Variants in ANKEF1 observed in about 807,000 individuals in gnomAD.
The protein encoded by ANKEF1 is ankyrin repeat and EF-hand domain-containing protein 1.
Under a neutral mutation model 65.1 loss-of-function variants are expected in ANKEF1, and 43 were observed. The ratio of observed to expected loss-of-function variants is 0.66; its 90% CI spans 0.52 to 0.85. ANKEF1 has a LOEUF of 0.85. ANKEF1 is among the 40% of genes least tolerant of loss of function. The pLI is 0.00. For missense variants in ANKEF1, 934 were observed against 952.9 expected (o/e 0.98, Z 0.26); for synonymous variants, 316 against 341.5 (o/e 0.93, Z 0.82).
At chr20:10,046,843 G>A (rs1389613387) in intron 6 of ANKEF1, among the ~76,000 whole-genome samples, 6 of 152,006 alleles carry the variant, frequency 3.9e-5, no homozygotes, top group South Asian at 4.2e-4. Flanking sequence ...TAACATGCCC[G>A]CATAACTATA....
In ANKEF1 at chr20:10,056,284, ATAGCCCTAGCCCTAGATAG is replaced by A. The variant is rs1985144336; in HGVS notation, c.*625_*643del. The A allele has an allele frequency of 3.6e-5, 2 of 54,982 alleles. No homozygotes were observed. Among genetic ancestry groups the A allele is most frequent in the Non-Finnish European group, 9.7e-5 (2 of 20,518 alleles). 3.4% of individuals were successfully genotyped at this position (54,982 alleles called of 1,614,324 possible). ...ATACACTTTTAACAGCCCTAGATCG[ATAGCCCTAGCCCTAGATAG>A]ATAGCCCTAGCCCTAGATAGATAGC... On this transcript the variant is annotated 3_prime_UTR_variant, in exon 11 of 11. Transcript: ENST00000378392.
chr20:10,054,479 T>C lies in ANKEF1; in HGVS notation c.2052T>C (p.Ile684=), dbSNP rs747624113. ...IKKEEELLSS[I]YGVPTTSEGK... Reference sequence around the variant, plus strand: ...GTTTCCAGGAACTGCTGTCATCAATTTATGGTGTACCAACCACATCAGAGG... The same window carrying C: ...GTTTCCAGGAACTGCTGTCATCAATCTATGGTGTACCAACCACATCAGAGG... The change falls in exon 10 of 11, where the codon ATT becomes ATC. Residue 684 remains isoleucine (I), a synonymous_variant. Transcript: ENST00000378392. 4 of 1,566,668 alleles carry C rather than the reference T, an allele frequency of 2.6e-6. No individual in the cohort carries two copies. In the South Asian group the frequency reaches 4.9e-5, roughly 19 times the overall value.
intron 6 of ANKEF1, among the ~76,000 whole-genome samples, chr20:10,046,301 A>G (rs1391810945): frequency 6.6e-6 from 1 of 152,210 alleles, no homozygotes; most frequent in Non-Finnish European, 1.5e-5. Flanking sequence ...AAAAATGCCA[A>G]CATCAATCTA....
At chr20:10,038,203 C>A in intron 2 of ANKEF1, 55 bp from the exon 3 acceptor site, 5 of 706,826 alleles carry the variant, frequency 7.1e-6, no homozygotes, top group South Asian at 3.9e-5. Context: ...GTTATTTAAT[C>A]AAAATGAAGA....
At chr20:10,039,996 G>A (rs1348659269) in intron 3 of ANKEF1, among the ~76,000 whole-genome samples, 3 of 152,136 alleles carry the variant, frequency 2.0e-5, no homozygotes, top group African/African-American at 7.2e-5. Flanking sequence ...ATGTAAAAGT[G>A]TAAATTTTTT....
intron 3 of ANKEF1, among the ~76,000 whole-genome samples, chr20:10,040,881 G>A (rs767944251): frequency 1.1e-4 from 16 of 151,362 alleles, no homozygotes; most frequent in Non-Finnish European, 1.8e-4. Flanking sequence ...TGCTGTTGTT[G>A]TTTTGCTCTG....
intron 3 of ANKEF1, among the ~76,000 whole-genome samples, chr20:10,042,088 T>A (rs967906152): frequency 6.6e-6 from 1 of 152,228 alleles, no homozygotes; most frequent in African/African-American, 2.4e-5. Context: ...AGACACTTTC[T>A]TTGCCTAGCT....
chr20:10,054,579 A>T lies in ANKEF1; in HGVS notation c.2152A>T (p.Ile718Phe). ...ITSGYTKKVD[I>F]TFIPRRIWSP... ...CAGTGGTTATACTAAGAAAGTGGAT[A>T]TCACATTTATTCCACGGAGGGTAAG... The change falls in exon 10 of 11, where the codon ATC (isoleucine) becomes TTC (phenylalanine). Residue 718 changes from isoleucine (I) to phenylalanine (F), a missense_variant. By Grantham distance (21) the Ile-to-Phe change is conservative (BLOSUM62 0). Transcript: ENST00000378392. The T allele has an allele frequency of 6.2e-7, 1 of 1,608,378 alleles. No individual in the cohort carries two copies. Among genetic ancestry groups the T allele is most frequent in the Non-Finnish European group, 8.5e-7 (1 of 1,178,030 alleles).
intron 3 of ANKEF1, among the ~76,000 whole-genome samples, chr20:10,040,339 C>T (rs151165027): frequency 2.5e-3 from 379 of 152,336 alleles, no homozygotes; most frequent in Non-Finnish European, 4.3e-3. Flanking sequence ...ATCCTATTTT[C>T]TGGTGACTCA....
chr20:10,048,104 C>T (rs1057398034), intron 6 of ANKEF1, among the ~76,000 whole-genome samples: 7 of 152,236 alleles, frequency 4.6e-5, no homozygotes, highest in South Asian at 2.1e-4. Flanking sequence ...TGGAATTACA[C>T]TATAGAGTCA....
At chr20:10,036,961 G>A (rs955450620) in intron 2 of ANKEF1, among the ~76,000 whole-genome samples, 1 of 152,138 alleles carries the variant, frequency 6.6e-6, no homozygotes, top group Non-Finnish European at 1.5e-5. Context: ...AGTCAGCAAA[G>A]GAGCCTGAGC....
At chr20:10,050,651 C>A (rs1256145543) in intron 7 of ANKEF1, among the ~76,000 whole-genome samples, 4 of 152,128 alleles carry the variant, frequency 2.6e-5, no homozygotes, top group Admixed American at 2.6e-4. Flanking sequence ...TTGCCAATAG[C>A]AATTATGCAT....
rs1984872126 is a variant in ANKEF1 at position 10,051,789 on chromosome 20, C to T, written c.1770C>T (p.Asn590=). 1.9e-6 allele frequency: 3 copies of T among 1,613,742 alleles called. No individual in the cohort carries two copies. Among genetic ancestry groups the T allele is most frequent in the African/African-American group, 2.7e-5 (2 of 75,028 alleles). Residue 590 remains asparagine (N), a synonymous_variant, in exon 8 of 11, where the codon AAC becomes AAT. Transcript: ENST00000378392. The part of the protein sequence containing the change: ...SGALIDAASI[N]NSTPLNRAIE... ...CTTTAATAGATGCAGCTTCAATCAA[C>T]AACTCAACTCCTTTAAATAGAGCCA... is the stretch of plus-strand genomic sequence containing the variant.
At chr20:10,037,932 T>C (rs1983953083) in intron 2 of ANKEF1, among the ~76,000 whole-genome samples, 1 of 152,202 alleles carries the variant, frequency 6.6e-6, no homozygotes, top group South Asian at 2.1e-4. Flanking sequence ...TGTAGATAGA[T>C]GGTGGGAACT....
At position 10,038,614 on chromosome 20, in the gene ANKEF1, G is replaced by A. The variant is rs778383812; in HGVS notation, c.313G>A (p.Ala105Thr). 1.4e-5 allele frequency: 23 copies of A among 1,613,042 alleles called. No homozygotes were observed. Among genetic ancestry groups the A allele is most frequent in the Non-Finnish European group, 1.9e-5 (22 of 1,179,132 alleles). ...AATGGAAATATTAGCAAAGGCAAAG[G>A]CTGATATGACTATAGTTGATAATGA... The part of the protein sequence containing the change: ...LSMEILAKAK[A>T]DMTIVDNEGK... The change falls in exon 3 of 11, where the codon GCT becomes ACT. Residue 105 changes from alanine to threonine, a missense_variant. Coordinates refer to ENST00000378392, the MANE Select transcript of ANKEF1 (RefSeq NM_022096.6).
At position 10,035,302 on chromosome 20, in the gene ANKEF1, C is replaced by G. The variant is rs1983773869; in HGVS notation, c.-140C>G. On this transcript the variant is annotated 5_prime_UTR_variant, in exon 1 of 11. The change creates a new upstream start codon in the 5' untranslated region. Transcript: ENST00000378392. ...CCCAGGCACATAGGTGCCCAGAGATCCCTGGCTTCTGATCGCCCGGAAGAC... is the reference window on the plus strand; with the variant it reads ...CCCAGGCACATAGGTGCCCAGAGATGCCTGGCTTCTGATCGCCCGGAAGAC... The G allele has an allele frequency of 6.6e-6, 1 of 152,454 alleles. No homozygotes were observed. Among genetic ancestry groups the G allele is most frequent in the African/African-American group, 2.4e-5 (1 of 41,482 alleles). 9.4% of individuals were successfully genotyped at this position (152,454 alleles called of 1,614,324 possible).
rs140100391 is a variant in ANKEF1 at position 10,048,219 on chromosome 20, A to ATGTG, written c.821-1153_821-1150dup. ...TAAAATTATCAGCCTTAGTATAAAA[A>ATGTG]TGTGTGTGTGTGTGTGTGTGTTTGT... On this transcript the variant is annotated intron_variant, in intron 6 of 10. Transcript: ENST00000378392. Among the ~76,000 whole-genome samples the ATGTG allele has an allele frequency of 1.6e-3, 236 of 149,966 alleles. 1 individual carries two copies. The highest frequency in any genetic ancestry group is 5.2e-3 in the African/African-American group (212 of 40,906).
intron 6 of ANKEF1, among the ~76,000 whole-genome samples, chr20:10,045,925 A>G (rs1461793472): frequency 2.0e-5 from 3 of 152,158 alleles, no homozygotes. Context: ...ATTTTAGGTT[A>G]TTGTTAAAAA....
chr20:10,044,269 T>A, intron 4 of ANKEF1, 125 bp from the exon 5 acceptor site: 1 of 1,079,588 alleles, frequency 9.3e-7, no homozygotes, highest in Non-Finnish European at 1.3e-6. Context: ...CTAAGAAAAA[T>A]GTAGAGAACT....
Sources: allele counts gnomAD v4.1 joint callset (sites outside exome capture counted in the v4.1 genomes callset), GRCh38; gene constraint gnomAD v4.1.1; transcripts MANE v1.5; gene names NCBI Gene and HGNC (gene_info 2026-07-23, HGNC 2026-07-21).